Variants in LDB2 observed in about 807,000 individuals in gnomAD.
LDB2 encodes the protein LIM domain-binding protein 2.
Under a neutral mutation model 44.3 loss-of-function variants are expected in LDB2, and 12 were observed. That is an observed-to-expected ratio of 0.27 (90% CI 0.17 to 0.44). LDB2 has a LOEUF of 0.44. LDB2 is among the 20% of genes least tolerant of loss of function. The pLI is 1.00. For missense variants in LDB2, 344 were observed against 473.5 expected (o/e 0.73, Z 2.54); for synonymous variants, 164 against 174.8 (o/e 0.94, Z 0.49).
chr4:16,592,483 T>C lies in LDB2; in HGVS notation c.408+3220A>G, dbSNP rs1055394263. Among the ~76,000 whole-genome samples the C allele has an allele frequency of 5.4e-3, 678 of 125,058 alleles. 18 individuals carry two copies. Among genetic ancestry groups the C allele is most frequent in the African/African-American group, 0.017 (583 of 33,558 alleles). The allele number at this position is 125,058 out of a possible 152,430, so 82.0% of individuals were successfully genotyped here. ...ATACATACATATATATATATATATA[T>C]ATATATATATATATATATATATACA... On this transcript the variant is annotated intron_variant, in intron 3 of 7. Coordinates refer to ENST00000304523, the MANE Select transcript of LDB2 (RefSeq NM_001290.5).
intron 7 of LDB2, among the ~76,000 whole-genome samples, chr4:16,504,994 T>TGAGA (rs1221561692): frequency 1.3e-5 from 2 of 152,036 alleles, no homozygotes; most frequent in African/African-American, 4.8e-5. Context: ...CCAAAGTCAT[T>TGAGA]GAGAGAGGAT....
rs189991659 is a variant in LDB2 at position 16,505,559 on chromosome 4, A to G, written c.892-2686T>C. 2.7e-4 allele frequency among the ~76,000 whole-genome samples: 41 copies of G among 152,330 alleles called. No homozygotes were observed. In the East Asian group the frequency reaches 6.9e-3, roughly 26 times the overall value. On this transcript the variant is annotated intron_variant, in intron 7 of 7. Transcript: ENST00000304523. ...TGTTATTCTCACACAAAATAAATAA[A>G]GCATGATGCACATTCTAGGCTGCCT...
intron 2 of LDB2, among the ~76,000 whole-genome samples, chr4:16,686,871 A>C (rs1749379481): frequency 2.6e-5 from 4 of 152,068 alleles, no homozygotes; most frequent in African/African-American, 9.7e-5. Context: ...ACAAATCATA[A>C]TTTTGGTGGG....
intron 1 of LDB2, among the ~76,000 whole-genome samples, chr4:16,895,121 A>T (rs1263423574): frequency 4.6e-5 from 1 of 21,900 alleles, no homozygotes. Flanking sequence ...TTTTCATGCT[A>T]AAAAAAAAAA....
At chr4:16,758,331 C>G (rs1158039962) in intron 2 of LDB2, among the ~76,000 whole-genome samples, 1 of 152,184 alleles carries the variant, frequency 6.6e-6, no homozygotes, top group Non-Finnish European at 1.5e-5. Context: ...GTTCATCATT[C>G]CATGGCTGGT....
chr4:16,725,891 A>G (rs1041326148), intron 2 of LDB2, among the ~76,000 whole-genome samples: 5 of 142,304 alleles, frequency 3.5e-5, no homozygotes, highest in South Asian at 2.1e-4. Flanking sequence ...TTATGTGTAT[A>G]TATATATATA....
At chr4:16,531,152 T>C (rs1374130786) in intron 5 of LDB2, among the ~76,000 whole-genome samples, 1 of 152,156 alleles carries the variant, frequency 6.6e-6, no homozygotes, top group Non-Finnish European at 1.5e-5. Flanking sequence ...ATTGAACAAA[T>C]GGATGATTCT....
intron 1 of LDB2, among the ~76,000 whole-genome samples, chr4:16,809,338 T>C (rs562603518): frequency 8.6e-5 from 13 of 151,728 alleles, no homozygotes; most frequent in Non-Finnish European, 1.9e-4. Flanking sequence ...ATTAAGCTCA[T>C]ATGGTAAAAA....
chr4:16,776,475 A>G (rs1476249325), intron 1 of LDB2, among the ~76,000 whole-genome samples: 1 of 152,234 alleles, frequency 6.6e-6, no homozygotes, highest in African/African-American at 2.4e-5. Context: ...GACAGTCTCC[A>G]TAGGGATGGC....
chr4:16,673,453 C>T (rs776646349), intron 2 of LDB2, among the ~76,000 whole-genome samples: 11 of 152,128 alleles, frequency 7.2e-5, no homozygotes, highest in African/African-American at 1.7e-4. Flanking sequence ...GCTTTTGAAA[C>T]GGGTCACAAC....
intron 2 of LDB2, among the ~76,000 whole-genome samples, chr4:16,671,455 C>T (rs186752073): frequency 1.3e-5 from 2 of 152,264 alleles, no homozygotes; most frequent in Non-Finnish European, 2.9e-5. Flanking sequence ...CCCCAGAAAC[C>T]TCAGCTCACC....
At chr4:16,812,515 T>C (rs1780067011) in intron 1 of LDB2, among the ~76,000 whole-genome samples, 1 of 150,458 alleles carries the variant, frequency 6.6e-6, no homozygotes. Flanking sequence ...CTTTCAGCCC[T>C]ACAGCTCTGA....
chr4:16,566,892 TAATA>T (rs1405617626), intron 5 of LDB2, among the ~76,000 whole-genome samples: 1 of 152,150 alleles, frequency 6.6e-6, no homozygotes, highest in African/African-American at 2.4e-5. Context: ...TATGAGAAGA[TAATA>T]AATATCTCCT....
At chr4:16,671,998 G>A (rs1476767052) in intron 2 of LDB2, among the ~76,000 whole-genome samples, 1 of 152,226 alleles carries the variant, frequency 6.6e-6, no homozygotes, top group African/African-American at 2.4e-5. Flanking sequence ...CTGCCTCCTG[G>A]CTCTCTGGAG....
At chr4:16,639,421 A>C (rs926928924) in intron 2 of LDB2, among the ~76,000 whole-genome samples, 1 of 152,234 alleles carries the variant, frequency 6.6e-6, no homozygotes, top group African/African-American at 2.4e-5. Context: ...AAGAATAGTA[A>C]GTTTGATGAA....
chr4:16,675,827 A>C (rs567435274), intron 2 of LDB2, among the ~76,000 whole-genome samples: 3 of 152,340 alleles, frequency 2.0e-5, no homozygotes, highest in South Asian at 4.1e-4. Context: ...GTGTTGAAAC[A>C]TAAAAATAAA....
At chr4:16,646,038 C>T (rs1736707786) in intron 2 of LDB2, among the ~76,000 whole-genome samples, 2 of 152,188 alleles carry the variant, frequency 1.3e-5, no homozygotes, top group African/African-American at 4.8e-5. Flanking sequence ...CATCCTTTGA[C>T]GCTCTTTATA....
chr4:16,665,893 G>A (rs537359573), intron 2 of LDB2, among the ~76,000 whole-genome samples: 3 of 152,266 alleles, frequency 2.0e-5, no homozygotes, highest in African/African-American at 7.2e-5. Flanking sequence ...CAGGGAAGGA[G>A]GCCATGTGAA....
chr4:16,552,796 G>A (rs1452570436), intron 5 of LDB2, among the ~76,000 whole-genome samples: 1 of 152,064 alleles, frequency 6.6e-6, no homozygotes, highest in Admixed American at 6.6e-5. Context: ...TTTCTGACTT[G>A]GATGACTGAA....
Sources: allele counts gnomAD v4.1 joint callset (sites outside exome capture counted in the v4.1 genomes callset), GRCh38; gene constraint gnomAD v4.1.1; transcripts MANE v1.5; gene names NCBI Gene and HGNC (gene_info 2026-07-23, HGNC 2026-07-21).